LUZP2: variants seen among roughly 807,000 people sequenced by gnomAD.
LUZP2 encodes leucine zipper protein 2.
A neutral mutation model predicts 51.6 loss-of-function variants in LUZP2; 52 were observed. The observed-to-expected ratio is 1.01, with a 90% confidence interval of 0.81 to 1.27. The LOEUF (loss-of-function observed/expected upper bound fraction) is 1.27. LUZP2 is among the 50% of genes most tolerant of loss of function. The pLI is 0.00. For missense variants in LUZP2, 436 were observed against 395.4 expected (o/e 1.10, Z -0.87); for synonymous variants, 154 against 137.3 (o/e 1.12, Z -0.85).
intron 5 of LUZP2, among the ~76,000 whole-genome samples, chr11:24,850,750 G>A (rs535827211): frequency 2.0e-5 from 3 of 152,274 alleles, no homozygotes; most frequent in African/African-American, 4.8e-5. Context: ...TCCTATCCAT[G>A]AGCATGGAAT....
intron 7 of LUZP2, among the ~76,000 whole-genome samples, chr11:24,916,380 C>T: frequency 6.6e-6 from 1 of 151,872 alleles, no homozygotes; most frequent in South Asian, 2.1e-4. Context: ...TACATGTTCA[C>T]AATGTGCAAG....
intron 4 of LUZP2, among the ~76,000 whole-genome samples, chr11:24,739,587 A>C (rs1411190236): frequency 1.3e-5 from 2 of 152,106 alleles, no homozygotes; most frequent in Non-Finnish European, 2.9e-5. Flanking sequence ...ACAGAAGCTA[A>C]AACCGTGGTG....
At chr11:24,734,955 T>C (rs1858876438) in intron 3 of LUZP2, among the ~76,000 whole-genome samples, 1 of 151,818 alleles carries the variant, frequency 6.6e-6, no homozygotes. Context: ...CCAGGCTTCT[T>C]TTATGTGACT....
chr11:24,681,353 A>G (rs1856732307), intron 1 of LUZP2, among the ~76,000 whole-genome samples: 1 of 152,174 alleles, frequency 6.6e-6, no homozygotes, highest in African/African-American at 2.4e-5. Context: ...ACATTCATTC[A>G]TAGAGACATT....
intron 1 of LUZP2, among the ~76,000 whole-genome samples, chr11:24,593,017 C>T (rs955172777): frequency 1.3e-5 from 2 of 152,064 alleles, no homozygotes; most frequent in African/African-American, 4.8e-5. Flanking sequence ...TTTATTTTGA[C>T]ACCTCGATTC....
intron 5 of LUZP2, among the ~76,000 whole-genome samples, chr11:24,843,266 C>T (rs570505991): frequency 2.0e-5 from 3 of 151,982 alleles, no homozygotes; most frequent in South Asian, 2.1e-4. Context: ...CAAAGTGGGG[C>T]CATTTGATTT....
chr11:25,053,117 G>A (rs915209893), intron 10 of LUZP2, among the ~76,000 whole-genome samples: 14 of 151,974 alleles, frequency 9.2e-5, no homozygotes, highest in East Asian at 5.8e-4. Flanking sequence ...GAAACAATTG[G>A]GAACAAACAA....
At chr11:24,893,076 T>A (rs1482664290) in intron 5 of LUZP2, 1 of 152,170 alleles carries the variant, frequency 6.6e-6, no homozygotes, top group Non-Finnish European at 1.5e-5. Context: ...AAGATACATG[T>A]CTAAGATGTT....
At chr11:24,504,016 T>A (rs1850078674) in intron 1 of LUZP2, among the ~76,000 whole-genome samples, 1 of 152,166 alleles carries the variant, frequency 6.6e-6, no homozygotes, top group East Asian at 1.9e-4. Context: ...AGATTCTAGG[T>A]CATTTTCAAA....
At chr11:24,954,593 A>T (rs1264183910) in intron 7 of LUZP2, among the ~76,000 whole-genome samples, 1 of 152,012 alleles carries the variant, frequency 6.6e-6, no homozygotes, top group African/African-American at 2.4e-5. Flanking sequence ...TTTCTAGCTG[A>T]ATCTATGAGA....
intron 1 of LUZP2, among the ~76,000 whole-genome samples, chr11:24,704,417 G>A (rs540533519): frequency 6.7e-6 from 1 of 149,978 alleles, no homozygotes; most frequent in Non-Finnish European, 1.5e-5. Context: ...TGTGTATCTG[G>A]ACAAGGTTCT....
At chr11:24,990,725 C>T (rs556722246) in intron 9 of LUZP2, among the ~76,000 whole-genome samples, 1 of 152,052 alleles carries the variant, frequency 6.6e-6, no homozygotes, top group South Asian at 2.1e-4. Flanking sequence ...TTTTAAAAGA[C>T]TCATTCGAGT....
chr11:24,824,432 G>A (rs1222195024), intron 5 of LUZP2, among the ~76,000 whole-genome samples: 2 of 142,372 alleles, frequency 1.4e-5, no homozygotes, highest in Non-Finnish European at 3.0e-5. Context: ...AACCTTGGAG[G>A]TATTTCTGTT....
chr11:25,026,141 A>G, intron 9 of LUZP2, among the ~76,000 whole-genome samples: 1 of 106,824 alleles, frequency 9.4e-6, no homozygotes. Flanking sequence ...GGAGCCTGTC[A>G]TGGGGTAGGG....
rs112297799 is a variant in LUZP2, at chr11:24,883,725, T to C, written c.397-22266T>C. On this transcript the variant is annotated intron_variant, in intron 5 of 11. Transcript: ENST00000336930. The stretch of plus-strand genomic sequence containing the variant: ...TGTTTTATTTACTGACTAGCAAACA[T>C]TGAATGAAACAGTTTTTAAAGTTAA... Among the ~76,000 whole-genome samples the C allele has an allele frequency of 9.2e-5, 14 of 152,164 alleles. 1 individual carries two copies. The highest frequency in any genetic ancestry group is 3.1e-4 in the African/African-American group (13 of 41,578).
intron 6 of LUZP2, among the ~76,000 whole-genome samples, chr11:24,912,098 T>C (rs1390007131): frequency 1.3e-5 from 2 of 151,966 alleles, no homozygotes; most frequent in Admixed American, 6.6e-5. Flanking sequence ...TCCTTTCGTT[T>C]CCTTTCTTTT....
chr11:24,686,858 A>T (rs555573512), intron 1 of LUZP2, among the ~76,000 whole-genome samples: 1 of 152,262 alleles, frequency 6.6e-6, no homozygotes, highest in African/African-American at 2.4e-5. Context: ...GACCCTGCTC[A>T]TGCTGCTTCC....
In LUZP2 at chr11:24,901,144, C is replaced by T. The variant is rs142794403; in HGVS notation, c.397-4847C>T. Among the ~76,000 whole-genome samples, 13 of 152,164 alleles carry T rather than the reference C, an allele frequency of 8.5e-5. No homozygotes were observed. The East Asian group carries it at 2.3e-3, about 27-fold the overall frequency. ...TCCTCTCTTTAGTACGACAGTCTGGCAGTAGTGGCTGTCTACTGTCTTAAA... is the reference window on the plus strand; with the variant it reads ...TCCTCTCTTTAGTACGACAGTCTGGTAGTAGTGGCTGTCTACTGTCTTAAA... On this transcript the variant is annotated intron_variant, in intron 5 of 11. Transcript: ENST00000336930.
intron 1 of LUZP2, among the ~76,000 whole-genome samples, chr11:24,516,650 G>C (rs1228113436): frequency 6.6e-6 from 1 of 152,190 alleles, no homozygotes; most frequent in African/African-American, 2.4e-5. Context: ...TTTTCTGTGA[G>C]AAAGGTAAGA....
Sources: gnomAD v4.1 joint callset for allele counts (sites outside exome capture counted in the v4.1 genomes callset) on GRCh38, gnomAD v4.1.1 for gene constraint, MANE v1.5 for transcripts, NCBI Gene and HGNC (gene_info 2026-07-23, HGNC 2026-07-21) for gene names.